SIL1: variants seen among roughly 807,000 people sequenced by gnomAD.
SIL1 encodes nucleotide exchange factor SIL1.
In SIL1, 40 loss-of-function variants were observed where a neutral mutation model predicts 49.1. The observed-to-expected ratio is 0.81, with a 90% confidence interval of 0.63 to 1.06. The LOEUF is 1.06. SIL1 is among the 50% of genes least tolerant of loss of function. The pLI, the probability that SIL1 is intolerant of heterozygous loss-of-function variation, is 0.00. For synonymous variants in SIL1, 253 were observed against 250.8 expected (o/e 1.01, Z -0.08); for missense variants, 500 against 572.6 (o/e 0.87, Z 1.29).
At chr5:139,096,960 G>A (rs1418561239) in intron 3 of SIL1, among the ~76,000 whole-genome samples, 4 of 152,062 alleles carry the variant, frequency 2.6e-5, no homozygotes, top group Non-Finnish European at 1.5e-5. Flanking sequence ...GGAGCCCACT[G>A]CGCTGAAGGG....
intron 7 of SIL1, among the ~76,000 whole-genome samples, chr5:138,997,838 C>G (rs1767903933): frequency 6.6e-6 from 1 of 152,156 alleles, no homozygotes; most frequent in African/African-American, 2.4e-5. Context: ...GGATTACAGG[C>G]ATAAGCCACT....
chr5:138,988,328 G>C (rs1000035574), intron 7 of SIL1, among the ~76,000 whole-genome samples: 1 of 152,116 alleles, frequency 6.6e-6, no homozygotes, highest in Non-Finnish European at 1.5e-5. Context: ...TGCCTTAACA[G>C]ATTTTAAACT....
intron 6 of SIL1, chr5:139,021,713 A>G (rs1768532592): frequency 3.8e-6 from 1 of 262,672 alleles, no homozygotes; most frequent in Admixed American, 5.0e-5. Flanking sequence ...AGATTTTTAA[A>G]GCTGATTTTA....
intron 7 of SIL1, among the ~76,000 whole-genome samples, chr5:139,010,026 G>T (rs1375936586): frequency 6.6e-6 from 1 of 151,558 alleles, no homozygotes; most frequent in East Asian, 1.9e-4. Flanking sequence ...CTAGATTGGG[G>T]AAGTTCTCCT....
At chr5:139,089,815 A>G (rs1329539560) in intron 3 of SIL1, among the ~76,000 whole-genome samples, 1 of 152,212 alleles carries the variant, frequency 6.6e-6, no homozygotes, top group Non-Finnish European at 1.5e-5. Flanking sequence ...GGAAATGTGG[A>G]TAAACTGCTC....
chr5:138,984,395 G>A (rs980263231), intron 7 of SIL1, among the ~76,000 whole-genome samples: 2 of 140,850 alleles, frequency 1.4e-5, no homozygotes, highest in South Asian at 4.5e-4. Flanking sequence ...TGGAGACTCT[G>A]TCACCCAGGC....
chr5:139,020,979 AG>A, intron 7 of SIL1, 191 bp downstream of exon 7: 1 of 692,852 alleles, frequency 1.4e-6, no homozygotes, highest in Non-Finnish European at 2.5e-6. Flanking sequence ...GGGGGAACAG[AG>A]AGTCACAGAT....
At chr5:139,020,101 C>T (rs990193845) in intron 7 of SIL1, among the ~76,000 whole-genome samples, 6 of 152,150 alleles carry the variant, frequency 3.9e-5, no homozygotes, top group Non-Finnish European at 8.8e-5. Context: ...GGTGGAGTTG[C>T]CCTTGAGGCC....
At chr5:139,129,042 G>A (rs551859115) in intron 1 of SIL1, among the ~76,000 whole-genome samples, 1 of 152,136 alleles carries the variant, frequency 6.6e-6, no homozygotes, top group Non-Finnish European at 1.5e-5. Context: ...AGCTACCTAG[G>A]AGGCTGAGGT....
chr5:138,991,806 G>A (rs940389149), intron 7 of SIL1, among the ~76,000 whole-genome samples: 15 of 152,190 alleles, frequency 9.9e-5, no homozygotes, highest in Admixed American at 8.5e-4. Context: ...GAAATACAAC[G>A]GAGAAGGTTC....
chr5:139,060,660 T>C (rs746308618), intron 3 of SIL1, among the ~76,000 whole-genome samples: 7 of 152,176 alleles, frequency 4.6e-5, no homozygotes, highest in Admixed American at 3.3e-4. Flanking sequence ...TTGGATAGTA[T>C]ATAAATTATA....
chr5:139,106,176 G>A (rs1280928994), intron 3 of SIL1, among the ~76,000 whole-genome samples: 5 of 152,188 alleles, frequency 3.3e-5, no homozygotes, highest in Admixed American at 6.5e-5. Context: ...GATTCTCTCT[G>A]CTCTCTCAAT....
At chr5:138,992,658 C>T (rs1207385576) in intron 7 of SIL1, among the ~76,000 whole-genome samples, 4 of 151,702 alleles carry the variant, frequency 2.6e-5, no homozygotes, top group Non-Finnish European at 2.9e-5. Flanking sequence ...AATCCTTGGG[C>T]GCTAAACTAC....
At chr5:139,167,310 C>G (rs1751645095) in intron 1 of SIL1, among the ~76,000 whole-genome samples, 1 of 152,168 alleles carries the variant, frequency 6.6e-6, no homozygotes, top group Non-Finnish European at 1.5e-5. Flanking sequence ...CAGCCTCAAG[C>G]AGGTCTTTCC....
At chr5:139,130,702 C>T (rs925758398) in intron 1 of SIL1, among the ~76,000 whole-genome samples, 4 of 152,068 alleles carry the variant, frequency 2.6e-5, no homozygotes, top group Non-Finnish European at 5.9e-5. Context: ...GCATTATTCA[C>T]GATACCCAAA....
chr5:138,965,985 A>G (rs1022698338), intron 7 of SIL1, among the ~76,000 whole-genome samples: 1 of 151,964 alleles, frequency 6.6e-6, no homozygotes, highest in African/African-American at 2.4e-5. Flanking sequence ...CACTCTTAAA[A>G]GTATCCCATT....
chr5:139,049,981 C>CT (rs1769252981), intron 4 of SIL1, among the ~76,000 whole-genome samples: 1 of 152,172 alleles, frequency 6.6e-6, no homozygotes, highest in African/African-American at 2.4e-5. Context: ...TTAATCAACT[C>CT]TGTCATTGTA....
At chr5:138,955,423 G>A (rs983401886) in intron 7 of SIL1, among the ~76,000 whole-genome samples, 6 of 152,210 alleles carry the variant, frequency 3.9e-5, no homozygotes, top group African/African-American at 1.2e-4. Flanking sequence ...TGGGCTGGGG[G>A]TGGGGCAGGC....
At chr5:139,187,587 C>T (rs1047917289) in intron 1 of SIL1, among the ~76,000 whole-genome samples, 5 of 151,494 alleles carry the variant, frequency 3.3e-5, no homozygotes, top group Admixed American at 6.6e-5. Flanking sequence ...GAGACACCAA[C>T]ATGAAGCATA....
Sources: gnomAD v4.1 joint callset for allele counts (sites outside exome capture counted in the v4.1 genomes callset) on GRCh38, gnomAD v4.1.1 for gene constraint, MANE v1.5 for transcripts, NCBI Gene and HGNC (gene_info 2026-07-23, HGNC 2026-07-21) for gene names.